The following CNKSR1 variants were observed in gnomAD, a reference collection of about 807,000 sequenced individuals.
CNKSR1 encodes connector enhancer of kinase suppressor of Ras 1.
Under a neutral mutation model 95.6 loss-of-function variants are expected in CNKSR1, and 88 were observed. That is an observed-to-expected ratio of 0.92 (90% CI 0.78 to 1.10). CNKSR1 has a LOEUF of 1.10. Among genes scored for constraint, CNKSR1 ranks in the 50% least tolerant of loss-of-function variants. The pLI is 0.00. For synonymous variants in CNKSR1, 355 were observed against 369.7 expected (o/e 0.96, Z 0.46); for missense variants, 836 against 912.0 (o/e 0.92, Z 1.07).
At chr1:26,181,280 CAAAAA>C (rs11392737) in intron 3 of CNKSR1, among the ~76,000 whole-genome samples, 20 of 49,176 alleles carry the variant, frequency 4.1e-4, no homozygotes, top group African/African-American at 1.3e-3. Flanking sequence ...GACTCCCTCT[CAAAAA>C]AAAAAAAAAA....
chr1:26,186,845 C>G (rs970985522), intron 14 of CNKSR1: 2 of 344,054 alleles, frequency 5.8e-6, no homozygotes, highest in African/African-American at 4.2e-5. Context: ...TCAAATGGTC[C>G]TCCTGCCTTG....
chr1:26,189,842 T>C lies in CNKSR1; in HGVS notation c.*294T>C, dbSNP rs928814612. 5.9e-5 allele frequency: 37 copies of C among 628,550 alleles called. No individual in the cohort carries two copies. The highest frequency in any genetic ancestry group is 1.1e-4 in the Non-Finnish European group (36 of 342,800). The allele number at this position is 628,550 out of a possible 1,614,324, so 38.9% of individuals were successfully genotyped here. On this transcript the variant is annotated 3_prime_UTR_variant, in exon 21 of 21. Transcript: ENST00000361530. ...CTGTACAGGTGTTCTTTATTTTACA[T>C]GAGGGCTACTTTCCAACCAAATAAA...
In CNKSR1 at chr1:26,183,834, C is replaced by T; in HGVS notation, c.855+4C>T. Reference sequence around the variant, plus strand: ...GATACCGGAGACCCCCCCACAGGTACCTTCCCCTGCCGCCCCCCGACCTGC... The same window carrying T: ...GATACCGGAGACCCCCCCACAGGTATCTTCCCCTGCCGCCCCCCGACCTGC... On this transcript the variant is annotated splice_donor_region_variant and intron_variant, in intron 9 of 20. Transcript: ENST00000361530. 7.9e-7 allele frequency: 1 copy of T among 1,260,332 alleles called. No individual in the cohort carries two copies. The highest frequency in any genetic ancestry group is 1.1e-6 in the Non-Finnish European group (1 of 933,036). 78.1% of individuals were successfully genotyped at this position (1,260,332 alleles called of 1,614,324 possible).
At chr1:26,187,833 G>A (rs2088782613) in intron 16 of CNKSR1, among the ~76,000 whole-genome samples, 1 of 151,920 alleles carries the variant, frequency 6.6e-6, no homozygotes. Context: ...ATGTTGGCCA[G>A]GCTGGTCTTG....
Position 26,188,655 on chromosome 1 carries a change from C to T in CNKSR1, c.1648C>T (p.Pro550Ser). 3 of 1,613,874 alleles carry T rather than the reference C, an allele frequency of 1.9e-6. No homozygotes were observed. The highest frequency in any genetic ancestry group is 1.7e-6 in the Non-Finnish European group (2 of 1,179,904). ...TGGAGACACATCACCTGCAGCCACC[C>T]CCACACAGCGCAGCCCACGGACCTC... Reference protein sequence around the residue: ...LHGDTSPAATPTQRSPRTSFG... With the variant: ...LHGDTSPAATSTQRSPRTSFG... The change falls in exon 19 of 21, where the codon CCC becomes TCC. Residue 550 changes from proline (P) to serine (S), a missense_variant. Physicochemically the swap from Pro to Ser is moderately conservative, Grantham distance 74 (BLOSUM62 -1). Transcript: ENST00000361530.
Position 26,180,587 on chromosome 1 carries a change from G to A in CNKSR1, c.187G>A (p.Gly63Arg), listed in dbSNP as rs182928543. The change falls in exon 2 of 21, where the codon GGG becomes AGG. Residue 63 changes from glycine to arginine, a missense_variant. Coordinates refer to ENST00000361530, the MANE Select transcript of CNKSR1 (RefSeq NM_006314.3). ...SLGHQELILG[G>R]VEQLQALSSR... ...GGGACACCAGGAGCTCATCCTGGGC[G>A]GGGTGGAACAGCTCCAGGCCCTGGT... is the stretch of plus-strand genomic sequence containing the variant. The A allele has an allele frequency of 1.2e-5, 20 of 1,614,194 alleles. No homozygotes were observed. Among genetic ancestry groups the A allele is most frequent in the Admixed American group, 3.3e-5 (2 of 60,026 alleles).
In CNKSR1 at chr1:26,188,225, T is replaced by TCTC; in HGVS notation, c.1455-7_1455-5dup. ...TGGAAACCCTGTGAGACCTGCTTGC[T>TCTC]CTCCATAGGTGGGTGCGTCATCTCA... On this transcript the variant is annotated splice_polypyrimidine_tract_variant and intron_variant, in intron 16 of 20. Transcript: ENST00000361530. 1.2e-6 allele frequency: 2 copies of TCTC among 1,613,824 alleles called. No homozygotes were observed. The highest frequency in any genetic ancestry group is 1.7e-6 in the Non-Finnish European group (2 of 1,179,814).
chr1:26,177,890 C>T (rs927703859), intron 1 of CNKSR1, among the ~76,000 whole-genome samples: 1 of 152,106 alleles, frequency 6.6e-6, no homozygotes, highest in Non-Finnish European at 1.5e-5. Flanking sequence ...TCGCTTGAAC[C>T]CAGGAGGCAG....
At chr1:26,182,169 G>T (rs774606091) in intron 4 of CNKSR1, 192 bp from the exon 5 acceptor site, 102 of 705,824 alleles carry the variant, frequency 1.4e-4, no homozygotes, top group Non-Finnish European at 2.3e-4. Flanking sequence ...CACGTGTGGT[G>T]ACTTCTGGGG....
rs2088652282 is a variant in CNKSR1 at position 26,181,863 on chromosome 1, C to T, written c.399C>T (p.Leu133=). The change falls in exon 4 of 21, where the codon CTC becomes CTT. Residue 133 remains leucine, a synonymous_variant. Coordinates refer to ENST00000361530, the MANE Select transcript of CNKSR1 (RefSeq NM_006314.3). ...DALLFWLSRY[L]FSHLNDFSAC... is the part of the protein sequence containing the mutation. ...GCTATTCTTCCCCTGCCAGGTACCTCTTCTCCCACTTAAATGATTTCTCAG... is the reference window on the plus strand; with the variant it reads ...GCTATTCTTCCCCTGCCAGGTACCTTTTCTCCCACTTAAATGATTTCTCAG... 2 of 1,613,962 alleles carry T rather than the reference C, an allele frequency of 1.2e-6. No homozygotes were observed. Among genetic ancestry groups the T allele is most frequent in the Admixed American group, 1.7e-5 (1 of 59,998 alleles).
In CNKSR1 at chr1:26,177,589, T is replaced by C; in HGVS notation, c.42T>C (p.Thr14=). ...VETWTPGKVA[T]WLRGLDDSLQ... The stretch of plus-strand genomic sequence containing the variant: ...CCTGGACCCCCGGAAAGGTGGCAAC[T>C]TGGCTGAGAGGTGGGTGGGGCTGGG... The change falls in exon 1 of 21, where the codon ACT becomes ACC. Residue 14 remains threonine (T), a synonymous_variant. Transcript: ENST00000361530. 1 of 1,613,986 alleles carries C rather than the reference T, an allele frequency of 6.2e-7. No homozygotes were observed. The highest frequency in any genetic ancestry group is 8.5e-7 in the Non-Finnish European group (1 of 1,179,982).
chr1:26,177,491 AAATT>A lies in CNKSR1; in HGVS notation c.-56_-53del. Reference sequence around the variant, plus strand: ...CCTTAGGCCTGGGCTCTGGGAGCGGAAATTCCGGCGACAGCAGGGCAAAACAGGA... The same window carrying A: ...CCTTAGGCCTGGGCTCTGGGAGCGGACCGGCGACAGCAGGGCAAAACAGGA... On this transcript the variant is annotated 5_prime_UTR_variant, in exon 1 of 21. Transcript: ENST00000361530. 6.2e-7 allele frequency: 1 copy of A among 1,609,224 alleles called. No homozygotes were observed. Among genetic ancestry groups the A allele is most frequent in the Non-Finnish European group, 8.5e-7 (1 of 1,177,548 alleles).
rs1314484388 is a variant in CNKSR1, at chr1:26,189,625, A to G, written c.*77A>G. 2.4e-6 allele frequency: 2 copies of G among 819,004 alleles called. No homozygotes were observed. The highest frequency in any genetic ancestry group is 4.4e-6 in the Non-Finnish European group (2 of 453,128). The allele number at this position is 819,004 out of a possible 1,614,324, so 50.7% of individuals were successfully genotyped here. ...CCAGCTTCTGACGTGTCCAGGACAG[A>G]GCATCCCTGGATTCTGTTCAGGGTG... On this transcript the variant is annotated 3_prime_UTR_variant, in exon 21 of 21. Coordinates refer to ENST00000361530, the MANE Select transcript of CNKSR1 (RefSeq NM_006314.3).
Position 26,183,784 on chromosome 1 carries a change from T to G in CNKSR1, c.809T>G (p.Leu270Arg). 2 of 1,613,480 alleles carry G rather than the reference T, an allele frequency of 1.2e-6. No individual in the cohort carries two copies. The highest frequency in any genetic ancestry group is 1.7e-6 in the Non-Finnish European group (2 of 1,179,698). ...GAACTGCTGCGGGAGCCAGCCGGAC[T>G]CAGCTTAGTGCTGAAGAAGATCCCG... ...VRELLREPAG[L>R]SLVLKKIPIP... Residue 270 changes from leucine to arginine, a missense_variant, in exon 9 of 21, where the codon CTC (leucine) becomes CGC (arginine). Physicochemically the swap from Leu to Arg is moderately radical, Grantham distance 102. Transcript: ENST00000361530.
At chr1:26,185,324 A>C in intron 14 of CNKSR1, 138 bp downstream of exon 14, 1 of 914,750 alleles carries the variant, frequency 1.1e-6, no homozygotes, top group Non-Finnish European at 1.7e-6. Context: ...CTTTATTCAG[A>C]GAGAAATGAG....
rs541968315 is a variant in CNKSR1, at chr1:26,187,254, G to C, written c.1382+13G>C. The C allele has an allele frequency of 1.9e-6, 3 of 1,609,914 alleles. No homozygotes were observed. In the South Asian group the frequency reaches 3.3e-5, roughly 18 times the overall value. ...AGAAGAAGAAATAGTTAAGTCTTGG[G>C]GTGTGATGGGCTGGGGGATGGAGAC... On this transcript the variant is annotated intron_variant, in intron 15 of 20. Transcript: ENST00000361530.
At chr1:26,182,150 AG>A in intron 4 of CNKSR1, 1 of 705,850 alleles carries the variant, frequency 1.4e-6, no homozygotes, top group South Asian at 1.7e-5. Flanking sequence ...ACAGGGAAGG[AG>A]GGGAGGGCAC....
At chr1:26,181,820 T>C in intron 3 of CNKSR1, 37 bp from the exon 4 acceptor site, 2 of 1,577,178 alleles carry the variant, frequency 1.3e-6, no homozygotes, top group South Asian at 2.2e-5. Flanking sequence ...TGGTTAAGCA[T>C]AGTCCCTTAA....
At chr1:26,182,003 T>C in intron 4 of CNKSR1, 62 bp downstream of exon 4, 1 of 1,440,316 alleles carries the variant, frequency 6.9e-7, no homozygotes, top group South Asian at 1.1e-5. Context: ...CTAGAGCTTT[T>C]TATAACCTGT....
Sources: gnomAD v4.1 joint callset for allele counts (sites outside exome capture counted in the v4.1 genomes callset) on GRCh38, gnomAD v4.1.1 for gene constraint, MANE v1.5 for transcripts, NCBI Gene and HGNC (gene_info 2026-07-23, HGNC 2026-07-21) for gene names.